LRRC4C: variants seen among roughly 807,000 people sequenced by gnomAD.
The protein encoded by LRRC4C is leucine-rich repeat-containing protein 4C.
A neutral mutation model predicts 33.6 loss-of-function variants in LRRC4C; 5 were observed. That is an observed-to-expected ratio of 0.15 (90% CI 0.08 to 0.31). The LOEUF is 0.31. Ranked by LOEUF, LRRC4C falls within the 10% of genes least tolerant of loss-of-function variation. The pLI, the probability that LRRC4C is intolerant of heterozygous loss-of-function variation, is 1.00. For synonymous variants in LRRC4C, 329 were observed against 302.0 expected (o/e 1.09, Z -0.93); for missense variants, 560 against 796.7 (o/e 0.70, Z 3.58).
Position 40,339,559 on chromosome 11 carries a change from A to G in LRRC4C, c.-269-19838T>C, listed in dbSNP as rs568563597. Among the ~76,000 whole-genome samples, 3 of 152,350 alleles carry G rather than the reference A, an allele frequency of 2.0e-5. No homozygotes were observed. In the South Asian group the frequency reaches 6.2e-4, roughly 32 times the overall value. On this transcript the variant is annotated intron_variant, in intron 3 of 6. Transcript: ENST00000528697. Reference sequence around the variant, plus strand: ...CCCAATGCCTTGAGCAGTACTTTGCATAAAGCTGGCAGGCAATATAATTTT... The same window carrying G: ...CCCAATGCCTTGAGCAGTACTTTGCGTAAAGCTGGCAGGCAATATAATTTT...
intron 1 of LRRC4C, among the ~76,000 whole-genome samples, chr11:40,950,153 G>T (rs2136705282): frequency 6.6e-6 from 1 of 151,728 alleles, no homozygotes; most frequent in Non-Finnish European, 1.5e-5. Flanking sequence ...CCCCTCCTCA[G>T]AATCATAAGA....
intron 1 of LRRC4C, among the ~76,000 whole-genome samples, chr11:41,352,369 T>C (rs7128344): frequency 2.0e-5 from 3 of 152,136 alleles, no homozygotes; most frequent in Non-Finnish European, 4.4e-5. Flanking sequence ...ATTTATAATA[T>C]AGGTTGTTAG....
intron 3 of LRRC4C, among the ~76,000 whole-genome samples, chr11:40,584,943 A>C (rs1487844997): frequency 1.4e-5 from 2 of 144,722 alleles, no homozygotes; most frequent in Admixed American, 1.3e-4. Context: ...AAAACCAATT[A>C]AAAAAAAGAA....
chr11:40,991,602 A>C (rs1853567269), intron 1 of LRRC4C, among the ~76,000 whole-genome samples: 1 of 152,174 alleles, frequency 6.6e-6, no homozygotes, highest in Admixed American at 6.5e-5. Context: ...AAAATGTAGA[A>C]TCAGTGGGAG....
chr11:41,327,134 C>T (rs1279882862), intron 1 of LRRC4C, among the ~76,000 whole-genome samples: 1 of 152,156 alleles, frequency 6.6e-6, no homozygotes, highest in Admixed American at 6.5e-5. Flanking sequence ...CATTCTCTCT[C>T]TTTATATTTT....
intron 2 of LRRC4C, among the ~76,000 whole-genome samples, 166 bp from the exon 3 acceptor site, chr11:40,648,444 C>A (rs951991847): frequency 1.1e-4 from 17 of 152,056 alleles, no homozygotes; most frequent in African/African-American, 4.1e-4. Flanking sequence ...AAAATATTTT[C>A]TCTTTTAAAA....
At chr11:41,170,252 T>G (rs1944912433) in intron 1 of LRRC4C, among the ~76,000 whole-genome samples, 1 of 152,144 alleles carries the variant, frequency 6.6e-6, no homozygotes, top group Admixed American at 6.6e-5. Flanking sequence ...TGGAAAAAAC[T>G]ACTTTAAAGT....
intron 2 of LRRC4C, among the ~76,000 whole-genome samples, chr11:40,811,831 G>T (rs1951504007): frequency 6.6e-6 from 1 of 152,100 alleles, no homozygotes; most frequent in Non-Finnish European, 1.5e-5. Context: ...GCTCCCTTGG[G>T]TTGTCCTTGT....
At chr11:40,312,200 C>T (rs375749293) in intron 4 of LRRC4C, among the ~76,000 whole-genome samples, 6 of 152,210 alleles carry the variant, frequency 3.9e-5, no homozygotes, top group African/African-American at 1.4e-4. Flanking sequence ...CTTGGTTATA[C>T]TTTCTGTCAG....
intron 2 of LRRC4C, among the ~76,000 whole-genome samples, chr11:40,820,101 G>A (rs1382970420): frequency 6.6e-6 from 1 of 151,846 alleles, no homozygotes; most frequent in Admixed American, 6.6e-5. Context: ...CAACAAAAAG[G>A]TATAAGAAAT....
At chr11:41,366,031 G>A (rs1565615470) in intron 1 of LRRC4C, among the ~76,000 whole-genome samples, 1 of 152,092 alleles carries the variant, frequency 6.6e-6, no homozygotes, top group African/African-American at 2.4e-5. Flanking sequence ...ATAATGGCTT[G>A]CATAAAATAA....
intron 3 of LRRC4C, among the ~76,000 whole-genome samples, chr11:40,616,462 T>C (rs1961841885): frequency 6.6e-6 from 1 of 151,694 alleles, no homozygotes; most frequent in African/African-American, 2.4e-5. Context: ...CATGCATGCA[T>C]ATGTTTATTG....
At chr11:40,177,276 A>T (rs958529921) in intron 5 of LRRC4C, among the ~76,000 whole-genome samples, 1 of 152,140 alleles carries the variant, frequency 6.6e-6, no homozygotes, top group Non-Finnish European at 1.5e-5. Flanking sequence ...TTTCAACAAA[A>T]TGATGAGGAT....
At chr11:41,134,674 T>C (rs1290441749) in intron 1 of LRRC4C, among the ~76,000 whole-genome samples, 1 of 152,138 alleles carries the variant, frequency 6.6e-6, no homozygotes, top group Admixed American at 6.6e-5. Context: ...GAGGATCCTC[T>C]TTTTATAAAA....
intron 3 of LRRC4C, among the ~76,000 whole-genome samples, chr11:40,628,122 A>G (rs1963126333): frequency 1.3e-5 from 2 of 152,242 alleles, no homozygotes; most frequent in Admixed American, 1.3e-4. Flanking sequence ...ATAACCAGAT[A>G]AAAGGTACTA....
chr11:41,019,906 C>T (rs558936216), intron 1 of LRRC4C, among the ~76,000 whole-genome samples: 1 of 152,104 alleles, frequency 6.6e-6, no homozygotes, highest in East Asian at 1.9e-4. Context: ...GCTTGTAAAT[C>T]CTGGATATTA....
At chr11:40,656,735 T>C (rs1208603553) in intron 2 of LRRC4C, among the ~76,000 whole-genome samples, 2 of 152,174 alleles carry the variant, frequency 1.3e-5, no homozygotes, top group Non-Finnish European at 2.9e-5. Flanking sequence ...GGTTTCCACC[T>C]AAAAGTGTTA....
intron 3 of LRRC4C, among the ~76,000 whole-genome samples, chr11:40,436,303 A>C (rs1951136500): frequency 6.6e-6 from 1 of 152,180 alleles, no homozygotes; most frequent in Non-Finnish European, 1.5e-5. Flanking sequence ...AGGTAGTTTG[A>C]GGCATTCATT....
intron 2 of LRRC4C, among the ~76,000 whole-genome samples, chr11:40,892,373 T>C (rs1264328409): frequency 6.6e-6 from 1 of 152,042 alleles, no homozygotes; most frequent in Non-Finnish European, 1.5e-5. Flanking sequence ...ATATGCACAA[T>C]GGAGTACTAT....
Sources: allele counts gnomAD v4.1 joint callset (sites outside exome capture counted in the v4.1 genomes callset), GRCh38; gene constraint gnomAD v4.1.1; transcripts MANE v1.5; gene names NCBI Gene and HGNC (gene_info 2026-07-23, HGNC 2026-07-21).